CAVIN4: variants seen among roughly 807,000 people sequenced by gnomAD.
The protein encoded by CAVIN4 is caveolae associated protein 4, also known as caveolae-associated protein 4.
A neutral mutation model predicts 18.6 loss-of-function variants in CAVIN4; 10 were observed. The ratio of observed to expected loss-of-function variants is 0.54; its 90% confidence interval spans 0.33 to 0.91. The LOEUF (loss-of-function observed/expected upper bound fraction) is 0.91, where lower values mean the gene tolerates loss of function less well. Ranked by LOEUF, CAVIN4 falls within the 40% of genes least tolerant of loss-of-function variation. The pLI, the probability that CAVIN4 is intolerant of heterozygous loss-of-function variation, is 0.02. For missense variants in CAVIN4, 459 were observed against 440.5 expected (o/e 1.04, Z -0.38); for synonymous variants, 173 against 164.8 (o/e 1.05, Z -0.38).
rs751480315 is a variant in CAVIN4, at chr9:100,578,420, A to G, written c.277A>G (p.Thr93Ala). 3 of 1,614,030 alleles carry G rather than the reference A, an allele frequency of 1.9e-6. No homozygotes were observed. Among genetic ancestry groups the G allele is most frequent in the South Asian group, 2.2e-5 (2 of 91,068 alleles). ...TATCATTAACAAATTGTTTGAGAAAACCCGAAAAGTTAGTGCTCACATTAA... is the reference window on the plus strand; with the variant it reads ...TATCATTAACAAATTGTTTGAGAAAGCCCGAAAAGTTAGTGCTCACATTAA... ...GHIINKLFEK[T>A]RKVSAHIKDV... Residue 93 changes from threonine to alanine, a missense_variant, in exon 1 of 2, where the codon ACC becomes GCC. Transcript: ENST00000307584.
intron 1 of CAVIN4, among the ~76,000 whole-genome samples, chr9:100,580,345 C>T (rs943231359): frequency 1.3e-5 from 2 of 152,182 alleles, no homozygotes; most frequent in African/African-American, 4.8e-5. Flanking sequence ...TTTCAGAGGC[C>T]AGTTCCAGTG....
Position 100,586,260 on chromosome 9 carries a change from T to A in CAVIN4, c.904T>A (p.Ser302Thr), listed in dbSNP as rs753591105. The change falls in exon 2 of 2, where the codon TCT (serine) becomes ACT (threonine). Residue 302 changes from serine to threonine, a missense_variant. Coordinates refer to ENST00000307584, the MANE Select transcript of CAVIN4 (RefSeq NM_001018116.2). Reference sequence around the variant, plus strand: ...TGTGGACATCATTGCCAGGAGCGAGTCTCTGGGCCCCATCAGTGAGCTCTA... The same window carrying A: ...TGTGGACATCATTGCCAGGAGCGAGACTCTGGGCCCCATCAGTGAGCTCTA... ...MGVDIIARSE[S>T]LGPISELYSD... The A allele has an allele frequency of 1.9e-6, 3 of 1,583,266 alleles. No individual in the cohort carries two copies. The African/African-American group carries it at 4.1e-5, about 21-fold the overall frequency.
intron 1 of CAVIN4, among the ~76,000 whole-genome samples, chr9:100,585,227 A>T (rs1839464324): frequency 6.6e-6 from 1 of 152,200 alleles, no homozygotes; most frequent in Non-Finnish European, 1.5e-5. Context: ...GAGGGAACAG[A>T]TAAGTTGTTA....
In CAVIN4 at chr9:100,586,376, A is replaced by G; in HGVS notation, c.1020A>G (p.Leu340=). 1 of 1,614,146 alleles carries G rather than the reference A, an allele frequency of 6.2e-7. No individual in the cohort carries two copies. The highest frequency in any genetic ancestry group is 8.5e-7 in the Non-Finnish European group (1 of 1,180,026). ...GGGAAATCCCCACCCCCGAGCCTTT[A>G]AAAGTTACTTTTAAATCTCAGGTGA... ...EGREIPTPEP[L]KVTFKSQVKV... The change falls in exon 2 of 2, where the codon TTA becomes TTG. Residue 340 remains leucine, a synonymous_variant. Transcript: ENST00000307584.
Position 100,583,151 on chromosome 9 carries a change from C to G in CAVIN4, c.409-2614C>G, listed in dbSNP as rs1182970459. 2.6e-5 allele frequency among the ~76,000 whole-genome samples: 4 copies of G among 152,096 alleles called. No individual in the cohort carries two copies. In the East Asian group the frequency reaches 5.8e-4, roughly 22 times the overall value. ...AATTCCATCTTTACATCAATGACTCCTAAATTTGGGTGTCTAGCCCAGCCC... is the reference window on the plus strand; with the variant it reads ...AATTCCATCTTTACATCAATGACTCGTAAATTTGGGTGTCTAGCCCAGCCC... On this transcript the variant is annotated intron_variant, in intron 1 of 1. Coordinates refer to ENST00000307584, the MANE Select transcript of CAVIN4 (RefSeq NM_001018116.2).
intron 1 of CAVIN4, among the ~76,000 whole-genome samples, chr9:100,579,184 T>C (rs542002191): frequency 6.6e-6 from 1 of 152,356 alleles, no homozygotes; most frequent in African/African-American, 2.4e-5. Flanking sequence ...AAAGTCTTTT[T>C]ACTTAAGTGA....
rs1222043026 is a variant in CAVIN4, at chr9:100,578,484, T to A, written c.341T>A (p.Val114Asp). 1 of 1,613,818 alleles carries A rather than the reference T, an allele frequency of 6.2e-7. No individual in the cohort carries two copies. The highest frequency in any genetic ancestry group is 1.3e-5 in the African/African-American group (1 of 74,924). Residue 114 changes from valine to aspartate, a missense_variant, in exon 1 of 2, where the codon GTT (valine) becomes GAT (aspartate). By Grantham distance (152) the Val-to-Asp change is radical (BLOSUM62 -3). Transcript: ENST00000307584. ...CGGGTGGAGAAGCAACAAATTCATG[T>A]TAAAAAAGTTGAAGTCAAGCAAGAG... ...KARVEKQQIHVKKVEVKQEEI... is the reference protein window; with the variant it reads ...KARVEKQQIHDKKVEVKQEEI...
rs1325621704 is a variant in CAVIN4 at position 100,586,629 on chromosome 9, A to AT, written c.*184dup. 5 of 474,966 alleles carry AT rather than the reference A, an allele frequency of 1.1e-5. No individual in the cohort carries two copies. Among genetic ancestry groups the AT allele is most frequent in the African/African-American group, 8.0e-5 (4 of 49,914 alleles). 29.4% of individuals were successfully genotyped at this position (474,966 alleles called of 1,614,324 possible). On this transcript the variant is annotated 3_prime_UTR_variant, in exon 2 of 2. Coordinates refer to ENST00000307584, the MANE Select transcript of CAVIN4 (RefSeq NM_001018116.2). ...TCACTCTTTCTCATGGCAGCTGTGG[A>AT]TTTTTTAGTTCCTTTCTCTTGTCCA... is the stretch of plus-strand genomic sequence containing the variant.
chr9:100,582,538 A>G (rs1210519396), intron 1 of CAVIN4, among the ~76,000 whole-genome samples: 1 of 152,014 alleles, frequency 6.6e-6, no homozygotes, highest in African/African-American at 2.4e-5. Context: ...TGGAGGTCTC[A>G]CTTTGTTGCC....
chr9:100,586,504 T>G lies in CAVIN4; in HGVS notation c.*53T>G, dbSNP rs771579521. 162 of 1,442,270 alleles carry G rather than the reference T, an allele frequency of 1.1e-4. 1 individual carries two copies. The highest frequency in any genetic ancestry group is 2.0e-5 in the Non-Finnish European group (21 of 1,034,624). The allele number at this position is 1,442,270 out of a possible 1,614,324, so 89.3% of individuals were successfully genotyped here. On this transcript the variant is annotated 3_prime_UTR_variant, in exon 2 of 2. Coordinates refer to ENST00000307584, the MANE Select transcript of CAVIN4 (RefSeq NM_001018116.2). ...AATCTCCTAATCATGCAGTTTTAGT[T>G]TGAATAGTGTAGTCGTCTACATTTC...
Position 100,588,349 on chromosome 9 carries a change from A to G in CAVIN4, c.*1898A>G, listed in dbSNP as rs1839505279. On this transcript the variant is annotated 3_prime_UTR_variant, in exon 2 of 2. Transcript: ENST00000307584. ...GGAAAGATCTTGGGTGCCTAATCAC[A>G]TATTTTCTTAAGAACCATAATAAAT... 1.3e-5 allele frequency among the ~76,000 whole-genome samples: 2 copies of G among 152,210 alleles called. No homozygotes were observed. Among genetic ancestry groups the G allele is most frequent in the African/African-American group, 4.8e-5 (2 of 41,462 alleles).
At chr9:100,579,267 T>C (rs2118601250) in intron 1 of CAVIN4, among the ~76,000 whole-genome samples, 1 of 152,326 alleles carries the variant, frequency 6.6e-6, no homozygotes, top group African/African-American at 2.4e-5. Context: ...TTGGCACTCA[T>C]ATTTTTGGAA....
chr9:100,586,116 A>T lies in CAVIN4; in HGVS notation c.760A>T (p.Arg254Trp), dbSNP rs776866140. 1 of 1,591,928 alleles carries T rather than the reference A, an allele frequency of 6.3e-7. No homozygotes were observed. The highest frequency in any genetic ancestry group is 8.5e-7 in the Non-Finnish European group (1 of 1,170,130). ...SGERLRQSGE[R>W]FKKSISNAAP... ...GGAGAGGCTGAGACAGTCAGGGGAGAGGTTTAAGAAATCTATTTCTAATGC... is the reference window on the plus strand; with the variant it reads ...GGAGAGGCTGAGACAGTCAGGGGAGTGGTTTAAGAAATCTATTTCTAATGC... The change falls in exon 2 of 2, where the codon AGG (arginine) becomes TGG (tryptophan). Residue 254 changes from arginine to tryptophan, a missense_variant. Transcript: ENST00000307584.
chr9:100,586,058 A>G lies in CAVIN4; in HGVS notation c.702A>G (p.Leu234=), dbSNP rs139982824. ...TGACCCCGGAGAGGAGAGAGAGGCTAAGGCAGTCAGGAGAGAGGCTGAGAC... is the reference window on the plus strand; with the variant it reads ...TGACCCCGGAGAGGAGAGAGAGGCTGAGGCAGTCAGGAGAGAGGCTGAGAC... ...RIVTPERRER[L]RQSGERLRQS... Residue 234 remains leucine (L), a synonymous_variant, in exon 2 of 2, where the codon CTA becomes CTG. Coordinates refer to ENST00000307584, the MANE Select transcript of CAVIN4 (RefSeq NM_001018116.2). 65 of 1,603,064 alleles carry G rather than the reference A, an allele frequency of 4.1e-5. No homozygotes were observed. In the East Asian group the frequency reaches 1.3e-3, roughly 32 times the overall value.
At position 100,586,266 on chromosome 9, in the gene CAVIN4, G is replaced by A; in HGVS notation, c.910G>A (p.Gly304Ser). 6.3e-7 allele frequency: 1 copy of A among 1,591,110 alleles called. No homozygotes were observed. The highest frequency in any genetic ancestry group is 1.8e-5 in the Admixed American group (1 of 57,082). ...CATCATTGCCAGGAGCGAGTCTCTG[G>A]GCCCCATCAGTGAGCTCTACTCTGA... ...VDIIARSESL[G>S]PISELYSDEL... The change falls in exon 2 of 2, where the codon GGC becomes AGC. Residue 304 changes from glycine (G) to serine (S), a missense_variant. Coordinates refer to ENST00000307584, the MANE Select transcript of CAVIN4 (RefSeq NM_001018116.2).
At chr9:100,578,611 A>G in intron 1 of CAVIN4, 60 bp downstream of exon 1, 1 of 1,541,022 alleles carries the variant, frequency 6.5e-7, no homozygotes, top group East Asian at 2.3e-5. Flanking sequence ...TTAATTGCCA[A>G]AAGTCATATC....
chr9:100,583,029 G>A (rs1228823233), intron 1 of CAVIN4, among the ~76,000 whole-genome samples: 1 of 152,060 alleles, frequency 6.6e-6, no homozygotes, highest in East Asian at 1.9e-4. Flanking sequence ...TCTGAATTCT[G>A]AAACACACCT....
In CAVIN4 at chr9:100,586,535, C is replaced by T; in HGVS notation, c.*84C>T. 2.0e-6 allele frequency: 2 copies of T among 986,986 alleles called. No homozygotes were observed. The highest frequency in any genetic ancestry group is 3.0e-6 in the Non-Finnish European group (2 of 671,092). The allele number at this position is 986,986 out of a possible 1,614,324, so 61.1% of individuals were successfully genotyped here. The stretch of plus-strand genomic sequence containing the variant: ...AGTGTAGTCGTCTACATTTCTGTGC[C>T]ATGTAGGAAAACATAAATGTATTTT... On this transcript the variant is annotated 3_prime_UTR_variant, in exon 2 of 2. Coordinates refer to ENST00000307584, the MANE Select transcript of CAVIN4 (RefSeq NM_001018116.2).
At chr9:100,581,858 G>A (rs1839434053) in intron 1 of CAVIN4, among the ~76,000 whole-genome samples, 1 of 152,120 alleles carries the variant, frequency 6.6e-6, no homozygotes, top group Admixed American at 6.6e-5. Flanking sequence ...TGCAGCAGGT[G>A]TCAGGAAAGG....
Sources: allele counts gnomAD v4.1 joint callset (sites outside exome capture counted in the v4.1 genomes callset), GRCh38; gene constraint gnomAD v4.1.1; transcripts MANE v1.5; gene names NCBI Gene and HGNC (gene_info 2026-07-23, HGNC 2026-07-21).